The following PDPN variants were observed in gnomAD, a reference collection of about 807,000 sequenced individuals.
PDPN encodes the protein PA2.26 antigen.
In PDPN, 12 loss-of-function variants were observed where a neutral mutation model predicts 23.2. That is an observed-to-expected ratio of 0.52 (90% CI 0.33 to 0.84). PDPN has a LOEUF of 0.84. PDPN is among the 40% of genes least tolerant of loss of function. The pLI is 0.02. For synonymous variants in PDPN, 77 were observed against 76.7 expected (o/e 1.00, Z -0.02); for missense variants, 199 against 212.2 (o/e 0.94, Z 0.39).
intron 1 of PDPN, among the ~76,000 whole-genome samples, chr1:13,589,802 G>A (rs1226066390): frequency 1.3e-5 from 2 of 151,438 alleles, no homozygotes; most frequent in East Asian, 1.9e-4. Context: ...CTTACCTTAC[G>A]GCAGCAAACC....
chr1:13,603,682 G>A (rs911722332), intron 1 of PDPN, among the ~76,000 whole-genome samples: 1 of 150,578 alleles, frequency 6.6e-6, no homozygotes, highest in South Asian at 2.1e-4. Context: ...TCCGCCCCCC[G>A]AGTTCAAGTG....
intron 1 of PDPN, among the ~76,000 whole-genome samples, chr1:13,600,065 A>G (rs1028592572): frequency 2.0e-5 from 3 of 152,200 alleles, no homozygotes; most frequent in African/African-American, 4.8e-5. Flanking sequence ...TGGTCATTAA[A>G]TAAGACTGGA....
Position 13,607,164 on chromosome 1 carries a change from C to T in PDPN, c.68-9C>T. ...CACCTTAAGCTCTGACTCAATCTTT[C>T]TTCTTCAGCCAGCACAGGCCAGCCA... On this transcript the variant is annotated splice_polypyrimidine_tract_variant and intron_variant, in intron 1 of 5. Coordinates refer to ENST00000621990, the MANE Select transcript of PDPN (RefSeq NM_006474.5). 1 of 1,612,662 alleles carries T rather than the reference C, an allele frequency of 6.2e-7. No individual in the cohort carries two copies. Among genetic ancestry groups the T allele is most frequent in the Non-Finnish European group, 8.5e-7 (1 of 1,179,432 alleles).
At chr1:13,598,816 G>C (rs988104251) in intron 1 of PDPN, among the ~76,000 whole-genome samples, 1 of 152,076 alleles carries the variant, frequency 6.6e-6, no homozygotes, top group Non-Finnish European at 1.5e-5. Flanking sequence ...GCTACTTACC[G>C]AGTGCCTGGT....
In PDPN at chr1:13,607,973, T is replaced by C. The variant is rs1211130042; in HGVS notation, c.201+667T>C. On this transcript the variant is annotated intron_variant, in intron 2 of 5. Transcript: ENST00000621990. ...TACAAAAATTAGCTGGGCGTGGCTG[T>C]GTGCACCTGTGATCCCAGCTGCTCG... is the stretch of plus-strand genomic sequence containing the variant. Among the ~76,000 whole-genome samples the C allele has an allele frequency of 2.8e-4, 43 of 152,028 alleles. 1 individual carries two copies. Among genetic ancestry groups the C allele is most frequent in the Admixed American group, 2.8e-3 (43 of 15,266 alleles).
intron 1 of PDPN, chr1:13,584,474 A>C: frequency 1.6e-6 from 1 of 608,192 alleles, no homozygotes; most frequent in Non-Finnish European, 2.8e-6. Context: ...TGTTGGAGGA[A>C]TACGCACGCC....
At chr1:13,584,564 T>TG (rs1345863080) in intron 1 of PDPN, among the ~76,000 whole-genome samples, 6 of 152,212 alleles carry the variant, frequency 3.9e-5, no homozygotes, top group Non-Finnish European at 8.8e-5. Context: ...CGCCCTGCGG[T>TG]GGCCCTGGTC....
intron 1 of PDPN, among the ~76,000 whole-genome samples, chr1:13,594,678 C>T (rs1166628536): frequency 1.3e-5 from 2 of 152,078 alleles, no homozygotes; most frequent in Admixed American, 1.3e-4. Context: ...TACTAGTTTG[C>T]AAGACTTCTG....
chr1:13,595,790 C>T lies in PDPN; in HGVS notation c.68-11383C>T, dbSNP rs768957113. On this transcript the variant is annotated intron_variant, in intron 1 of 5. Coordinates refer to ENST00000621990, the MANE Select transcript of PDPN (RefSeq NM_006474.5). ...CAGCCAAGTTCCCCTTTGCAGGTGC[C>T]GTGCTATCTTCAGCTATGCCGTCTC... 115 of 1,017,136 alleles carry T rather than the reference C, an allele frequency of 1.1e-4. 1 individual carries two copies. Among genetic ancestry groups the T allele is most frequent in the South Asian group, 9.5e-4 (72 of 75,818 alleles). The allele number at this position is 1,017,136 out of a possible 1,614,324, so 63.0% of individuals were successfully genotyped here.
intron 3 of PDPN, among the ~76,000 whole-genome samples, chr1:13,611,352 G>A (rs2100280254): frequency 6.6e-6 from 1 of 151,674 alleles, no homozygotes; most frequent in Middle Eastern, 3.4e-3. Context: ...TGGATAGTTG[G>A]ATAGATAAGC....
intron 1 of PDPN, chr1:13,585,599 T>C: frequency 7.4e-7 from 1 of 1,352,032 alleles, no homozygotes; most frequent in Non-Finnish European, 9.8e-7. Flanking sequence ...CCAGGGAAGC[T>C]TTAGCTGTGA....
chr1:13,584,341 G>GGTGGGCAGCACAGGGGGCCTCCCTCCGA, intron 1 of PDPN: 3 of 1,482,862 alleles, frequency 2.0e-6, no homozygotes, highest in Non-Finnish European at 2.7e-6. Context: ...CAGGCTGCGA[G>GGTGGGCAGCACAGGGGGCCTCCCTCCGA]GTGGGCAGCA....
At chr1:13,600,786 G>A (rs955190320) in intron 1 of PDPN, among the ~76,000 whole-genome samples, 2 of 152,072 alleles carry the variant, frequency 1.3e-5, no homozygotes, top group African/African-American at 4.8e-5. Context: ...GAGAGCTCAG[G>A]TTCACCTCTG....
intron 1 of PDPN, among the ~76,000 whole-genome samples, chr1:13,598,674 GTCC>G (rs913956502): frequency 1.3e-5 from 2 of 151,974 alleles, no homozygotes; most frequent in Non-Finnish European, 2.9e-5. Context: ...CCCCATCTCT[GTCC>G]TCCTCAGCCC....
At chr1:13,601,816 C>T (rs936174313) in intron 1 of PDPN, among the ~76,000 whole-genome samples, 27 of 152,188 alleles carry the variant, frequency 1.8e-4, no homozygotes, top group African/African-American at 6.0e-4. Flanking sequence ...AAATATTAAA[C>T]GTAAGTACAA....
At chr1:13,594,131 A>T (rs968981632) in intron 1 of PDPN, among the ~76,000 whole-genome samples, 26 of 152,216 alleles carry the variant, frequency 1.7e-4, no homozygotes, top group African/African-American at 5.8e-4. Context: ...AATGTCATTC[A>T]TCCATTCATT....
At chr1:13,600,644 C>T (rs1236084225) in intron 1 of PDPN, among the ~76,000 whole-genome samples, 3 of 152,186 alleles carry the variant, frequency 2.0e-5, no homozygotes, top group Admixed American at 1.3e-4. Flanking sequence ...GGATTATAGA[C>T]GTGAGCCACC....
At position 13,585,846 on chromosome 1, in the gene PDPN, G is replaced by A. The variant is rs114250612; in HGVS notation, c.67+1746G>A. Among the ~76,000 whole-genome samples the A allele has an allele frequency of 6.5e-3, 993 of 152,254 alleles. 7 individuals carry two copies. Among genetic ancestry groups the A allele is most frequent in the African/African-American group, 0.022 (911 of 41,528 alleles). On this transcript the variant is annotated intron_variant, in intron 1 of 5. Coordinates refer to ENST00000621990, the MANE Select transcript of PDPN (RefSeq NM_006474.5). ...ATATGGATGAATAACATCATTGAGCGAAGCTATTGTGGGCTTTTGTTGGGG... is the reference window on the plus strand; with the variant it reads ...ATATGGATGAATAACATCATTGAGCAAAGCTATTGTGGGCTTTTGTTGGGG...
chr1:13,583,777 C>T (rs1640100368), upstream of PDPN: 2 of 1,512,216 alleles, frequency 1.3e-6, no homozygotes, highest in Non-Finnish European at 1.8e-6. Flanking sequence ...GCGGCCGACC[C>T]CGCTCCCCCG....
Sources: allele counts gnomAD v4.1 joint callset (sites outside exome capture counted in the v4.1 genomes callset), GRCh38; gene constraint gnomAD v4.1.1; transcripts MANE v1.5; gene names NCBI Gene and HGNC (gene_info 2026-07-23, HGNC 2026-07-21).